The following CREB5 variants were observed in gnomAD, a reference collection of about 807,000 sequenced individuals.
The protein encoded by CREB5 is cyclic AMP-responsive element-binding protein 5.
In CREB5, 19 loss-of-function variants were observed where a neutral mutation model predicts 57.1. That is an observed-to-expected ratio of 0.33 (90% CI 0.23 to 0.49). CREB5 has a LOEUF of 0.49. Among genes scored for constraint, CREB5 ranks in the 20% least tolerant of loss-of-function variants. The pLI is 0.99. For synonymous variants in CREB5, 238 were observed against 238.3 expected (o/e 1.00, Z 0.01); for missense variants, 579 against 671.6 (o/e 0.86, Z 1.52).
chr7:28,737,541 A>G (rs1293647404), intron 7 of CREB5, among the ~76,000 whole-genome samples: 234 of 5,358 alleles, frequency 0.044, 4 homozygotes, highest in South Asian at 0.11. Context: ...ATATATACGT[A>G]TATATATATA....
At chr7:28,550,119 T>C (rs1310035385) in intron 4 of CREB5, among the ~76,000 whole-genome samples, 1 of 152,148 alleles carries the variant, frequency 6.6e-6, no homozygotes. Flanking sequence ...CTCTTCCTCC[T>C]TTTCTTACTC....
intron 5 of CREB5, among the ~76,000 whole-genome samples, chr7:28,616,231 T>C (rs2128681437): frequency 6.6e-6 from 1 of 152,282 alleles, no homozygotes; most frequent in East Asian, 1.9e-4. Flanking sequence ...GAGGCACCAA[T>C]GGTTGGCTTG....
intron 1 of CREB5, among the ~76,000 whole-genome samples, chr7:28,314,744 TCTTTACTGAGACG>T (rs1200683165): frequency 6.6e-6 from 1 of 152,184 alleles, no homozygotes; most frequent in African/African-American, 2.4e-5. Context: ...CCCCAGTGTC[TCTTTACTGAGACG>T]CTTTACTGAG....
At chr7:28,583,320 G>GA (rs1796186754) in intron 5 of CREB5, among the ~76,000 whole-genome samples, 1 of 152,242 alleles carries the variant, frequency 6.6e-6, no homozygotes, top group Non-Finnish European at 1.5e-5. Context: ...GAGAACCAGT[G>GA]ATGCCATCAT....
rs1489030792 is a variant in CREB5 at position 28,570,378 on chromosome 7, A to C, written c.305A>C (p.His102Pro). ...EESSKRNISM[H>P]NAVGGAMTGP... ...TTCTCTGGGCAGAATATCTCGATGC[A>C]TAATGCAGTTGGTGGGGCCATGACG... The change falls in exon 5 of 11, where the codon CAT (histidine) becomes CCT (proline). Residue 102 changes from histidine to proline, a missense_variant. His to Pro is a moderately conservative substitution (Grantham distance 77). Around this residue, in one of 3 missense-constraint regions of CREB5, gnomAD observed 459 missense variants for 515.7 expected, o/e 0.89. Coordinates refer to ENST00000357727, the MANE Select transcript of CREB5 (RefSeq NM_182898.4). The C allele has an allele frequency of 1.9e-6, 3 of 1,613,788 alleles. No individual in the cohort carries two copies. The highest frequency in any genetic ancestry group is 2.5e-6 in the Non-Finnish European group (3 of 1,179,766).
At chr7:28,661,349 G>A (rs920062396) in intron 5 of CREB5, among the ~76,000 whole-genome samples, 1 of 152,096 alleles carries the variant, frequency 6.6e-6, no homozygotes, top group Non-Finnish European at 1.5e-5. Flanking sequence ...TGCTCAGTGA[G>A]TGTCTCTTAA....
chr7:28,538,308 C>T (rs1239580863), intron 4 of CREB5, among the ~76,000 whole-genome samples: 1 of 152,192 alleles, frequency 6.6e-6, no homozygotes, highest in African/African-American at 2.4e-5. Flanking sequence ...CCCGCTTCGG[C>T]CTCCCAAAGT....
chr7:28,583,719 C>T (rs763299379), intron 5 of CREB5, among the ~76,000 whole-genome samples: 9 of 151,998 alleles, frequency 5.9e-5, no homozygotes, highest in Non-Finnish European at 1.3e-4. Flanking sequence ...GCTCTTGTTG[C>T]CCAGGCTGGA....
At chr7:28,690,099 C>A (rs1189011905) in intron 5 of CREB5, among the ~76,000 whole-genome samples, 1 of 152,126 alleles carries the variant, frequency 6.6e-6, no homozygotes, top group Non-Finnish European at 1.5e-5. Flanking sequence ...GTCTAATGCC[C>A]TTGCCTGTCA....
chr7:28,497,490 G>C (rs1269372273), intron 3 of CREB5, among the ~76,000 whole-genome samples: 1 of 152,172 alleles, frequency 6.6e-6, no homozygotes, highest in African/African-American at 2.4e-5. Flanking sequence ...GTATTATATT[G>C]ACATATTTTC....
intron 4 of CREB5, among the ~76,000 whole-genome samples, chr7:28,522,571 T>C (rs1793255614): frequency 6.6e-6 from 1 of 151,954 alleles, no homozygotes; most frequent in East Asian, 1.9e-4. Flanking sequence ...AATTTTTTTG[T>C]ATTTTTAGTA....
chr7:28,785,617 TTAA>T (rs924172924), intron 7 of CREB5, among the ~76,000 whole-genome samples: 6 of 152,246 alleles, frequency 3.9e-5, no homozygotes, highest in Admixed American at 1.3e-4. Context: ...ACACTCCTTG[TTAA>T]TGTTTGATTA....
intron 8 of CREB5, among the ~76,000 whole-genome samples, chr7:28,805,239 G>C (rs1472246218): frequency 6.6e-6 from 1 of 152,214 alleles, no homozygotes; most frequent in African/African-American, 2.4e-5. Context: ...CCAGCATTTA[G>C]ACAAAACTGA....
At chr7:28,362,709 T>C (rs932068259) in intron 1 of CREB5, among the ~76,000 whole-genome samples, 1 of 152,238 alleles carries the variant, frequency 6.6e-6, no homozygotes, top group African/African-American at 2.4e-5. Flanking sequence ...TGTTTATACA[T>C]GCCTGTAGCA....
intron 1 of CREB5, among the ~76,000 whole-genome samples, chr7:28,308,779 TC>T (rs1187451455): frequency 3.7e-4 from 57 of 152,168 alleles, no homozygotes; most frequent in Non-Finnish European, 7.3e-5. Flanking sequence ...CTTTTAGACT[TC>T]CGGTTTCGGC....
At chr7:28,564,059 A>G (rs1795387088) in intron 4 of CREB5, among the ~76,000 whole-genome samples, 1 of 143,550 alleles carries the variant, frequency 7.0e-6, no homozygotes, top group Non-Finnish European at 1.5e-5. Flanking sequence ...AAAGCCTAGT[A>G]GCTTCCAGAG....
At chr7:28,459,630 A>C (rs1790267787) in intron 1 of CREB5, among the ~76,000 whole-genome samples, 1 of 152,048 alleles carries the variant, frequency 6.6e-6, no homozygotes, top group Admixed American at 6.5e-5. Flanking sequence ...ACATGGATAC[A>C]CATTTATGGA....
At chr7:28,693,588 C>T (rs571552715) in intron 5 of CREB5, among the ~76,000 whole-genome samples, 102 of 152,046 alleles carry the variant, frequency 6.7e-4, no homozygotes, top group Non-Finnish European at 1.3e-3. Flanking sequence ...AGCCTAATTA[C>T]TCGTAATCAA....
rs369603216 is a variant in CREB5, at chr7:28,726,261, T to C, written c.702+1929T>C. On this transcript the variant is annotated intron_variant, in intron 7 of 10. Coordinates refer to ENST00000357727, the MANE Select transcript of CREB5 (RefSeq NM_182898.4). Reference sequence around the variant, plus strand: ...TGGGGCTTAGGGAGTACAGCTATTCTCTGCCCCAAGCTCCCACCTCTACCC... The same window carrying C: ...TGGGGCTTAGGGAGTACAGCTATTCCCTGCCCCAAGCTCCCACCTCTACCC... Among the ~76,000 whole-genome samples, 7 of 152,264 alleles carry C rather than the reference T, an allele frequency of 4.6e-5. No homozygotes were observed. The East Asian group carries it at 1.4e-3, about 29-fold the overall frequency.
Sources: gnomAD v4.1 joint callset for allele counts (sites outside exome capture counted in the v4.1 genomes callset) on GRCh38, gnomAD v4.1.1 for gene constraint, gnomAD v4.1.1 regional missense constraint, MANE v1.5 for transcripts, NCBI Gene and HGNC (gene_info 2026-07-23, HGNC 2026-07-21) for gene names.